The following FOXP1 variants were observed in gnomAD, a reference collection of about 807,000 sequenced individuals.
FOXP1 encodes the protein forkhead box P1.
FOXP1 carries 15 observed loss-of-function variants against 98.2 expected under a neutral mutation model. The observed-to-expected ratio is 0.15, with a 90% CI of 0.10 to 0.24. The LOEUF (loss-of-function observed/expected upper bound fraction) is 0.24. FOXP1 is among the 10% of genes least tolerant of loss of function. The pLI is 1.00. For missense variants in FOXP1, 633 were observed against 848.5 expected (o/e 0.75, Z 3.15); for synonymous variants, 371 against 314.5 (o/e 1.18, Z -1.90).
chr3:71,467,227 A>C (rs1019118681), intron 3 of FOXP1, among the ~76,000 whole-genome samples: 1 of 152,232 alleles, frequency 6.6e-6, no homozygotes, highest in African/African-American at 2.4e-5. Context: ...ACACATACAT[A>C]TATACATACA....
chr3:71,067,976 T>C (rs577357337), intron 7 of FOXP1, among the ~76,000 whole-genome samples: 2 of 124,184 alleles, frequency 1.6e-5, no homozygotes, highest in South Asian at 6.6e-4. Context: ...AGGAAGCAGA[T>C]ACTGGATAAT....
chr3:71,486,205 C>A (rs1023788698), intron 3 of FOXP1, among the ~76,000 whole-genome samples: 5 of 151,924 alleles, frequency 3.3e-5, no homozygotes, highest in Non-Finnish European at 5.9e-5. Flanking sequence ...ACATTAAAAC[C>A]AGAATAATAC....
intron 6 of FOXP1, among the ~76,000 whole-genome samples, chr3:71,160,276 C>G (rs1289321378): frequency 3.9e-5 from 6 of 151,924 alleles, no homozygotes; most frequent in Non-Finnish European, 8.8e-5. Context: ...GGGCTGTGGT[C>G]AAAGGTAAAG....
At chr3:71,087,024 A>G (rs2055182900) in intron 7 of FOXP1, among the ~76,000 whole-genome samples, 1 of 152,226 alleles carries the variant, frequency 6.6e-6, no homozygotes, top group Non-Finnish European at 1.5e-5. Flanking sequence ...GCCCCATAAG[A>G]AAAATGCAGT....
At chr3:71,547,666 T>C (rs1451009330) in intron 2 of FOXP1, among the ~76,000 whole-genome samples, 1 of 152,192 alleles carries the variant, frequency 6.6e-6, no homozygotes, top group Non-Finnish European at 1.5e-5. Flanking sequence ...ACAAAGTTCT[T>C]GTAGAGAATT....
chr3:71,159,920 C>T (rs758589729), intron 6 of FOXP1, among the ~76,000 whole-genome samples: 1 of 152,180 alleles, frequency 6.6e-6, no homozygotes, highest in African/African-American at 2.4e-5. Flanking sequence ...AAATGTAAGA[C>T]AGCCACAGGT....
At chr3:71,427,287 G>C (rs1291611599) in intron 3 of FOXP1, among the ~76,000 whole-genome samples, 1 of 152,076 alleles carries the variant, frequency 6.6e-6, no homozygotes, top group Non-Finnish European at 1.5e-5. Context: ...TGAATAAATG[G>C]ATACAAAACG....
intron 1 of FOXP1, chr3:71,581,963 G>C (rs965071360): frequency 5.1e-6 from 5 of 971,602 alleles, no homozygotes; most frequent in Admixed American, 6.2e-5. Flanking sequence ...CAAAAAGGAG[G>C]GGGGAGGAAT....
At chr3:71,098,328 A>G (rs2056657494) in intron 7 of FOXP1, among the ~76,000 whole-genome samples, 1 of 152,218 alleles carries the variant, frequency 6.6e-6, no homozygotes, top group African/African-American at 2.4e-5. Context: ...CTTACGAATT[A>G]AAGTTCTATG....
chr3:71,557,617 G>C (rs368771248), intron 2 of FOXP1, among the ~76,000 whole-genome samples: 1 of 152,184 alleles, frequency 6.6e-6, no homozygotes, highest in Non-Finnish European at 1.5e-5. Flanking sequence ...CCACCTTCAC[G>C]GAAGAGTGAG....
intron 6 of FOXP1, among the ~76,000 whole-genome samples, chr3:71,185,677 T>C (rs1317526998): frequency 1.3e-5 from 2 of 152,216 alleles, no homozygotes; most frequent in African/African-American, 4.8e-5. Flanking sequence ...CATGTGCCTC[T>C]AGTCTTTCCA....
At chr3:71,494,498 C>G (rs1047857240) in intron 2 of FOXP1, among the ~76,000 whole-genome samples, 2 of 152,194 alleles carry the variant, frequency 1.3e-5, no homozygotes, top group African/African-American at 4.8e-5. Flanking sequence ...CTAAGCCTGG[C>G]ACCAGTACCT....
intron 3 of FOXP1, among the ~76,000 whole-genome samples, chr3:71,433,361 C>G (rs755815626): frequency 6.6e-6 from 1 of 152,170 alleles, no homozygotes; most frequent in Non-Finnish European, 1.5e-5. Flanking sequence ...TGTATAAACA[C>G]TCTACGTGTC....
chr3:71,283,953 C>T (rs962705521), intron 5 of FOXP1, among the ~76,000 whole-genome samples: 2 of 152,104 alleles, frequency 1.3e-5, no homozygotes, highest in South Asian at 4.1e-4. Context: ...TCCCAGTATC[C>T]CCACTCCTTC....
chr3:70,984,108 G>T (rs1280316739), intron 14 of FOXP1, among the ~76,000 whole-genome samples: 1 of 152,206 alleles, frequency 6.6e-6, no homozygotes, highest in African/African-American at 2.4e-5. Flanking sequence ...CATTCTAAAT[G>T]TAAGAACTGC....
chr3:71,447,396 T>C (rs1300736301), intron 3 of FOXP1, among the ~76,000 whole-genome samples: 2 of 152,148 alleles, frequency 1.3e-5, no homozygotes, highest in Non-Finnish European at 2.9e-5. Context: ...CCTGCCAATC[T>C]GGGCAGTGAT....
chr3:71,522,584 G>A (rs1206714688), intron 2 of FOXP1, among the ~76,000 whole-genome samples: 5 of 152,190 alleles, frequency 3.3e-5, no homozygotes, highest in Admixed American at 1.3e-4. Context: ...CATTGTGAGG[G>A]ACAAATAAAA....
chr3:71,231,438 G>GA (rs896867667), intron 5 of FOXP1, among the ~76,000 whole-genome samples: 27 of 149,546 alleles, frequency 1.8e-4, no homozygotes, highest in East Asian at 5.9e-4. Flanking sequence ...TACCTTATAG[G>GA]AAAAAAAAAT....
chr3:71,580,979 T>C (rs1467964696), intron 2 of FOXP1: 6 of 985,278 alleles, frequency 6.1e-6, no homozygotes, highest in Non-Finnish European at 7.2e-6. Flanking sequence ...CCCTCAGAAG[T>C]GGACTGCATA....
Sources: allele counts gnomAD v4.1 joint callset (sites outside exome capture counted in the v4.1 genomes callset), GRCh38; gene constraint gnomAD v4.1.1; transcripts MANE v1.5; gene names NCBI Gene and HGNC (gene_info 2026-07-23, HGNC 2026-07-21).